SBF2: variants seen among roughly 807,000 people sequenced by gnomAD.
SBF2 encodes SET binding factor 2.
SBF2 carries 112 observed loss-of-function variants against 225.2 expected under a neutral mutation model. The ratio of observed to expected loss-of-function variants is 0.50; its 90% CI spans 0.43 to 0.58. The LOEUF (loss-of-function observed/expected upper bound fraction) is 0.58, where lower values mean the gene tolerates loss of function less well. SBF2 is among the 20% of genes least tolerant of loss of function. The pLI, the probability that SBF2 is intolerant of heterozygous loss-of-function variation, is 0.00. For missense variants in SBF2, 1,996 were observed against 2,206.2 expected (o/e 0.90, Z 1.91); for synonymous variants, 763 against 773.3 (o/e 0.99, Z 0.22).
chr11:10,140,716 C>T (rs998886130), intron 2 of SBF2, among the ~76,000 whole-genome samples: 1 of 152,136 alleles, frequency 6.6e-6, no homozygotes, highest in Admixed American at 6.6e-5. Context: ...ACAGTTTGGA[C>T]TTGAGAGTGG....
chr11:10,018,819 T>C (rs1948740531), intron 6 of SBF2, among the ~76,000 whole-genome samples: 1 of 152,246 alleles, frequency 6.6e-6, no homozygotes, highest in African/African-American at 2.4e-5. Flanking sequence ...ATTTAATTTT[T>C]AATTTTGAAA....
chr11:10,047,067 A>C (rs756846178), intron 2 of SBF2, among the ~76,000 whole-genome samples: 7 of 152,142 alleles, frequency 4.6e-5, no homozygotes, highest in Non-Finnish European at 7.4e-5. Context: ...AAATCTAACA[A>C]GATACGCAAA....
At chr11:10,286,579 C>T (rs1025784910) in intron 1 of SBF2, among the ~76,000 whole-genome samples, 1 of 151,950 alleles carries the variant, frequency 6.6e-6, no homozygotes, top group Non-Finnish European at 1.5e-5. Flanking sequence ...AGGATGGTCT[C>T]GTTCTCCTGA....
chr11:10,023,965 T>C (rs1207345996), intron 6 of SBF2, among the ~76,000 whole-genome samples: 1 of 152,186 alleles, frequency 6.6e-6, no homozygotes, highest in African/African-American at 2.4e-5. Context: ...CCAGAAAGTT[T>C]CCTCATGTCC....
At chr11:9,981,900 T>A (rs1393747272) in intron 13 of SBF2, among the ~76,000 whole-genome samples, 1 of 152,182 alleles carries the variant, frequency 6.6e-6, no homozygotes, top group Non-Finnish European at 1.5e-5. Context: ...TTCCCTCAAC[T>A]TTTCCCTGGA....
At chr11:10,183,834 G>C (rs55638035) in intron 2 of SBF2, among the ~76,000 whole-genome samples, 1,642 of 152,294 alleles carry the variant, frequency 0.011, 36 homozygotes, top group African/African-American at 0.037. Flanking sequence ...TTAGAGGCTG[G>C]GAAGGATGTG....
Position 10,119,332 on chromosome 11 carries a change from G to C in SBF2, c.141+74570C>G, listed in dbSNP as rs1044746911. On this transcript the variant is annotated intron_variant, in intron 2 of 39. Coordinates refer to ENST00000256190, the MANE Select transcript of SBF2 (RefSeq NM_030962.4). ...AAATACTAGTATAAAGAATAAAGTA[G>C]AGACAATTTTTCTGAAAAAATCCAG... 2.6e-5 allele frequency among the ~76,000 whole-genome samples: 4 copies of C among 152,132 alleles called. No individual in the cohort carries two copies. In the East Asian group the frequency reaches 5.8e-4, roughly 22 times the overall value.
intron 2 of SBF2, among the ~76,000 whole-genome samples, chr11:10,179,709 A>C (rs1295431574): frequency 2.0e-5 from 3 of 152,174 alleles, no homozygotes; most frequent in Non-Finnish European, 2.9e-5. Flanking sequence ...TGTTGGATGC[A>C]TGTGGCAGGA....
chr11:10,014,968 A>G (rs147800466), intron 6 of SBF2, among the ~76,000 whole-genome samples: 116 of 151,938 alleles, frequency 7.6e-4, no homozygotes, highest in Non-Finnish European at 1.5e-3. Context: ...CGTCTTTACT[A>G]AAAAATACAA....
chr11:10,205,110 G>A (rs114039220), intron 1 of SBF2, among the ~76,000 whole-genome samples: 2,228 of 151,812 alleles, frequency 0.015, 53 homozygotes, highest in African/African-American at 0.049. Context: ...AAACCACCAC[G>A]GCACATGTTT....
At chr11:9,822,087 G>C (rs924924286) in intron 28 of SBF2, among the ~76,000 whole-genome samples, 1 of 152,078 alleles carries the variant, frequency 6.6e-6, no homozygotes, top group Non-Finnish European at 1.5e-5. Flanking sequence ...CTATGGGCTA[G>C]TTACTAAGTT....
At chr11:10,140,202 G>A (rs1355009895) in intron 2 of SBF2, among the ~76,000 whole-genome samples, 1 of 152,134 alleles carries the variant, frequency 6.6e-6, no homozygotes, top group Non-Finnish European at 1.5e-5. Context: ...TGGAATCTCA[G>A]AAGTGTCTTT....
intron 25 of SBF2, among the ~76,000 whole-genome samples, chr11:9,841,097 C>T (rs1856102296): frequency 6.6e-6 from 1 of 151,924 alleles, no homozygotes; most frequent in Non-Finnish European, 1.5e-5. Context: ...AAGATATGGC[C>T]CTCTTTCATT....
intron 1 of SBF2, among the ~76,000 whole-genome samples, chr11:10,228,443 A>G (rs545166088): frequency 1.3e-5 from 2 of 152,296 alleles, no homozygotes; most frequent in Non-Finnish European, 2.9e-5. Context: ...ATTCAGTATG[A>G]TATTGGCTGT....
At chr11:10,210,649 C>T (rs1957906236) in intron 1 of SBF2, among the ~76,000 whole-genome samples, 2 of 152,094 alleles carry the variant, frequency 1.3e-5, no homozygotes, top group Admixed American at 6.5e-5. Context: ...ATCTGTTAAC[C>T]AAGAACACAG....
At chr11:10,218,835 C>T (rs970881953) in intron 1 of SBF2, among the ~76,000 whole-genome samples, 1 of 152,214 alleles carries the variant, frequency 6.6e-6, no homozygotes, top group Non-Finnish European at 1.5e-5. Flanking sequence ...CCTTTGACTC[C>T]ATGTCTCACA....
chr11:9,801,222 G>A (rs1336874115), intron 32 of SBF2, among the ~76,000 whole-genome samples: 1 of 152,154 alleles, frequency 6.6e-6, no homozygotes, highest in Non-Finnish European at 1.5e-5. Flanking sequence ...TTTTGTTGCA[G>A]GTTAAAAAGT....
intron 2 of SBF2, among the ~76,000 whole-genome samples, chr11:10,162,630 A>T (rs1339003555): frequency 6.6e-6 from 1 of 152,228 alleles, no homozygotes; most frequent in Non-Finnish European, 1.5e-5. Context: ...TGGCAGTCAA[A>T]TTATCAGAAC....
At chr11:10,221,952 C>T (rs1958354449) in intron 1 of SBF2, among the ~76,000 whole-genome samples, 1 of 152,152 alleles carries the variant, frequency 6.6e-6, no homozygotes, top group Non-Finnish European at 1.5e-5. Flanking sequence ...AAGTGAGAAA[C>T]ACATCCTAGG....
Sources: allele counts gnomAD v4.1 joint callset (sites outside exome capture counted in the v4.1 genomes callset), GRCh38; gene constraint gnomAD v4.1.1; transcripts MANE v1.5; gene names NCBI Gene and HGNC (gene_info 2026-07-23, HGNC 2026-07-21).